Variants in TTN observed in about 807,000 individuals in gnomAD.
TTN encodes titin.
In TTN, 1,525 loss-of-function variants were observed where a neutral mutation model predicts 3,223.0. That is an observed-to-expected ratio of 0.47 (90% confidence interval 0.45 to 0.49). The LOEUF is 0.49. TTN is among the 20% of genes least tolerant of loss of function. The pLI, the probability that TTN is intolerant of heterozygous loss-of-function variation, is 0.00. For missense variants in TTN, 40,786 were observed against 43,424.0 expected (o/e 0.94, Z 5.40); for synonymous variants, 14,094 against 15,161.0 (o/e 0.93, Z 5.17).
chr2:178,565,778 C>G lies in TTN; in HGVS notation c.80354G>C (p.Gly26785Ala). The change falls in exon 326 of 363, where the codon GGA (glycine) becomes GCA (alanine). Residue 26785 changes from glycine to alanine, a missense_variant. Transcript: ENST00000589042. ...VKAAEPPSPPGKVTLTDVSQT... is the reference protein window; with the variant it reads ...VKAAEPPSPPAKVTLTDVSQT... ...GGACACATCAGTGAGTGTAACCTTT[C>G]CTGGTGGGGAAGGAGGTTCAGCAGC... The G allele has an allele frequency of 6.2e-7, 1 of 1,613,598 alleles. No homozygotes were observed. The highest frequency in any genetic ancestry group is 8.5e-7 in the Non-Finnish European group (1 of 1,179,622).
At position 178,545,860 on chromosome 2, in the gene TTN, C is replaced by T. The variant is rs1247897056; in HGVS notation, c.95376G>A (p.Val31792=). ...VRAVNKYGPG[V]PVESEPIVAR... ...CTACAATTGGCTCTGATTCAACAGG[C>T]ACACCAGGGCCATATTTGTTTACTG... Residue 31792 remains valine (V), a synonymous_variant, in exon 343 of 363, where the codon GTG becomes GTA. Coordinates refer to ENST00000589042, the MANE Select transcript of TTN (RefSeq NM_001267550.2). The T allele has an allele frequency of 6.2e-7, 1 of 1,613,802 alleles. No homozygotes were observed.
intron 206 of TTN, 36 bp downstream of exon 206, chr2:178,651,630 G>GT: frequency 1.9e-6 from 3 of 1,612,490 alleles, no homozygotes; most frequent in East Asian, 2.2e-5. Flanking sequence ...TTCAAAGAAA[G>GT]TTTTTTGTTA....
In TTN at chr2:178,599,251, T is replaced by C. The variant is rs2052641171; in HGVS notation, c.56542A>G (p.Lys18848Glu). The change falls in exon 290 of 363, where the codon AAA becomes GAA. Residue 18848 changes from lysine (K) to glutamate (E), a missense_variant. Lys to Glu is a moderately conservative substitution (Grantham distance 56). Coordinates refer to ENST00000589042, the MANE Select transcript of TTN (RefSeq NM_001267550.2). ...ACATATTCATGGCCTTCTAGCAATTTGGGAATCGTGTACGTGCACTCCTTA... is the reference window on the plus strand; with the variant it reads ...ACATATTCATGGCCTTCTAGCAATTCGGGAATCGTGTACGTGCACTCCTTA... ...EPKECTYTIP[K>E]LLEGHEYVFR... The C allele has an allele frequency of 6.4e-7, 1 of 1,561,524 alleles. No individual in the cohort carries two copies. The highest frequency in any genetic ancestry group is 2.0e-5 in the Admixed American group (1 of 49,240).
rs763490789 is a variant in TTN at position 178,554,012 on chromosome 2, T to A, written c.89099A>T (p.Glu29700Val). The change falls in exon 333 of 363, where the codon GAA (glutamate) becomes GTA (valine). Residue 29700 changes from glutamate (E) to valine (V), a missense_variant. Physicochemically the swap from Glu to Val is moderately radical, Grantham distance 121. Transcript: ENST00000589042. ...AACTCTGTATTGATAGTCACTGTTTTCTGTGAGTCCTGTTACTTTTTGTCT... is the reference window on the plus strand; with the variant it reads ...AACTCTGTATTGATAGTCACTGTTTACTGTGAGTCCTGTTACTTTTTGTCT... The part of the protein sequence containing the change: ...DTRQKVTGLT[E>V]NSDYQYRVCA... The A allele has an allele frequency of 1.9e-6, 3 of 1,613,602 alleles. No individual in the cohort carries two copies. The South Asian group carries it at 3.3e-5, about 18-fold the overall frequency.
Position 178,604,006 on chromosome 2 carries a change from T to G in TTN, c.54681A>C (p.Lys18227Asn), listed in dbSNP as rs371332455. The stretch of plus-strand genomic sequence containing the variant: ...AACGAGGAACATTAAATTCCACGCC[T>G]TTCAATCCCACTTTGGTTATTGGTG... ...SRAPITKVGL[K>N]GVEFNVPRLL... is the part of the protein sequence containing the mutation. Residue 18227 changes from lysine to asparagine, a missense_variant, in exon 282 of 363, where the codon AAA becomes AAC. By Grantham distance (94) the Lys-to-Asn change is moderately conservative (BLOSUM62 0). Coordinates refer to ENST00000589042, the MANE Select transcript of TTN (RefSeq NM_001267550.2). 6.2e-7 allele frequency: 1 copy of G among 1,612,926 alleles called. No homozygotes were observed. Among genetic ancestry groups the G allele is most frequent in the Non-Finnish European group, 8.5e-7 (1 of 1,179,196 alleles).
chr2:178,800,276 T>C lies in TTN; in HGVS notation c.583+119A>G. On this transcript the variant is annotated intron_variant, in intron 4 of 362. Coordinates refer to ENST00000589042, the MANE Select transcript of TTN (RefSeq NM_001267550.2). ...TCATGGGTGTCGAAAAGCCAGCTTT[T>C]ATATCAGCTCACAGCATTCTTCCCA... 2.9e-6 allele frequency: 4 copies of C among 1,375,612 alleles called. No individual in the cohort carries two copies. The East Asian group carries it at 9.2e-5, about 31-fold the overall frequency. The allele number at this position is 1,375,612 out of a possible 1,614,324, so 85.2% of individuals were successfully genotyped here.
intron 214 of TTN, 38 bp from the exon 215 acceptor site, chr2:178,647,182 AGAACAG>A: frequency 7.9e-7 from 1 of 1,260,260 alleles, no homozygotes; most frequent in Non-Finnish European, 1.1e-6. Flanking sequence ...GACTATATTT[AGAACAG>A]AATACTGCAA....
At position 178,802,276 on chromosome 2, in the gene TTN, C is replaced by T. The variant is rs150902810; in HGVS notation, c.157G>A (p.Gly53Ser). The change falls in exon 3 of 363, where the codon GGC becomes AGC. Residue 53 changes from glycine (G) to serine (S), a missense_variant. By Grantham distance (56) the Gly-to-Ser change is moderately conservative. Coordinates refer to ENST00000589042, the MANE Select transcript of TTN (RefSeq NM_001267550.2). Reference sequence around the variant, plus strand: ...CCATCGCTAAAGGAGATCTGCACGCCGGGCAGAGTGGAAGTGGAAATCACC... The same window carrying T: ...CCATCGCTAAAGGAGATCTGCACGCTGGGCAGAGTGGAAGTGGAAATCACC... ...GQVISTSTLPGVQISFSDGRA... is the reference protein window; with the variant it reads ...GQVISTSTLPSVQISFSDGRA... 7.4e-6 allele frequency: 12 copies of T among 1,614,108 alleles called. No homozygotes were observed. The highest frequency in any genetic ancestry group is 3.3e-5 in the Admixed American group (2 of 60,020).
In TTN at chr2:178,589,156, C is replaced by T; in HGVS notation, c.62569G>A (p.Ala20857Thr). 1 of 1,613,312 alleles carries T rather than the reference C, an allele frequency of 6.2e-7. No homozygotes were observed. Among genetic ancestry groups the T allele is most frequent in the African/African-American group, 1.3e-5 (1 of 75,024 alleles). ...TNTAGSFVAY[A>T]TVNVLDKPGP... ...GGCTTATCTAAAACATTGACAGTGGCATAGGCCACAAAACTGCCAGCCGTG... is the reference window on the plus strand; with the variant it reads ...GGCTTATCTAAAACATTGACAGTGGTATAGGCCACAAAACTGCCAGCCGTG... Residue 20857 changes from alanine to threonine, a missense_variant, in exon 304 of 363, where the codon GCC (alanine) becomes ACC (threonine). By Grantham distance (58) the Ala-to-Thr change is moderately conservative. Coordinates refer to ENST00000589042, the MANE Select transcript of TTN (RefSeq NM_001267550.2).
At chr2:178,617,719 T>C (rs2057619449) in intron 253 of TTN, 60 bp downstream of exon 253, 2 of 1,560,048 alleles carry the variant, frequency 1.3e-6, no homozygotes, top group Admixed American at 4.1e-5. Flanking sequence ...TTTATTTTAA[T>C]TGATAGGCCT....
chr2:178,572,514 A>T lies in TTN; in HGVS notation c.73618T>A (p.Trp24540Arg). ...CCTCCATCAAGGAGAGGTGGGTCCC[A>T]TGTGAGTGTGACAGATGTCTTAGTG... ...EVTKTSVTLT[W>R]DPPLLDGGSK... Residue 24540 changes from tryptophan to arginine, a missense_variant, in exon 326 of 363, where the codon TGG becomes AGG. Trp to Arg is a moderately radical substitution (Grantham distance 101). Coordinates refer to ENST00000589042, the MANE Select transcript of TTN (RefSeq NM_001267550.2). 1 of 1,613,446 alleles carries T rather than the reference A, an allele frequency of 6.2e-7. No homozygotes were observed. Among genetic ancestry groups the T allele is most frequent in the Non-Finnish European group, 8.5e-7 (1 of 1,179,608 alleles).
In TTN at chr2:178,735,633, A is replaced by G. The variant is rs560537668; in HGVS notation, c.14813T>C (p.Phe4938Ser). The change falls in exon 50 of 363, where the codon TTT (phenylalanine) becomes TCT (serine). Residue 4938 changes from phenylalanine (F) to serine (S), a missense_variant. Transcript: ENST00000589042. The stretch of plus-strand genomic sequence containing the variant: ...CTCAAGTGTTGCTATTTTATCTTCA[A>G]AACAGATCTTATAATCTTTCCCTGG... ...LPPGKDYKIC[F>S]EDKIATLEIP... The G allele has an allele frequency of 9.5e-5, 153 of 1,613,722 alleles. 1 individual carries two copies. In the Middle Eastern group the frequency reaches 6.3e-3, roughly 66 times the overall value.
chr2:178,683,573 G>A (rs1245824707), intron 133 of TTN, among the ~76,000 whole-genome samples: 2 of 152,044 alleles, frequency 1.3e-5, no homozygotes, highest in Non-Finnish European at 2.9e-5. Flanking sequence ...AAACTAAGTA[G>A]AAGCATTAGA....
Position 178,730,995 on chromosome 2 carries a change from A to G in TTN, c.17670T>C (p.Ser5890=), listed in dbSNP as rs374203158. 7 of 1,613,346 alleles carry G rather than the reference A, an allele frequency of 4.3e-6. No homozygotes were observed. The highest frequency in any genetic ancestry group is 5.1e-6 in the Non-Finnish European group (6 of 1,179,646). The change falls in exon 60 of 363, where the codon AGT becomes AGC. Residue 5890 remains serine, a synonymous_variant. Coordinates refer to ENST00000589042, the MANE Select transcript of TTN (RefSeq NM_001267550.2). ...TTTGGACCTCGAAAGTATATTCTCC[A>G]CTATCTTTCTTTTCTGTAGAAATAA... ...LKIISTEKKD[S]GEYTFEVQND... is the part of the protein sequence containing the mutation.
At chr2:178,604,391 G>A in intron 281 of TTN, 86 bp from the exon 282 acceptor site, 1 of 1,095,498 alleles carries the variant, frequency 9.1e-7, no homozygotes, top group Non-Finnish European at 1.2e-6. Flanking sequence ...TATTTTGGGA[G>A]GGATGACTGT....
intron 103 of TTN, 56 bp from the exon 104 acceptor site, chr2:178,705,022 A>G: frequency 6.3e-7 from 1 of 1,596,878 alleles, no homozygotes; most frequent in Non-Finnish European, 8.6e-7. Flanking sequence ...GATTTAGAGG[A>G]CGCATGACTA....
chr2:178,588,064 C>G lies in TTN; in HGVS notation c.63343G>C (p.Gly21115Arg). ...PKIADASPDE[G>R]WKRCNAAAQL... is the part of the protein sequence containing the mutation. ...GCTGCAGCATTACACCGTTTCCAGC[C>G]TTCATCAGGAGACGCATCTGCTATT... is the stretch of plus-strand genomic sequence containing the variant. Residue 21115 changes from glycine to arginine, a missense_variant, in exon 305 of 363, where the codon GGC becomes CGC. Physicochemically the swap from Gly to Arg is moderately radical, Grantham distance 125. Coordinates refer to ENST00000589042, the MANE Select transcript of TTN (RefSeq NM_001267550.2). 6.2e-7 allele frequency: 1 copy of G among 1,612,980 alleles called. No homozygotes were observed. The highest frequency in any genetic ancestry group is 1.1e-5 in the South Asian group (1 of 91,046).
rs753124868 is a variant in TTN at position 178,785,875 on chromosome 2, A to G, written c.2343T>C (p.Asp781=). 1 of 1,614,052 alleles carries G rather than the reference A, an allele frequency of 6.2e-7. No homozygotes were observed. The highest frequency in any genetic ancestry group is 1.7e-5 in the Admixed American group (1 of 59,998). The change falls in exon 14 of 363, where the codon GAT becomes GAC. Residue 781 remains aspartate (D), a synonymous_variant. Coordinates refer to ENST00000589042, the MANE Select transcript of TTN (RefSeq NM_001267550.2). ...APSETHIKTT[D]QKGMHISSQI... is the part of the protein sequence containing the mutation. ...GTGATGATATGTGCATTCCCTTTTG[A>G]TCAGTAGTTTTGATATGAGTCTCAG...
chr2:178,718,707 G>T lies in TTN; in HGVS notation c.24493C>A (p.Leu8165Ile), dbSNP rs1060500582. 1.9e-6 allele frequency: 3 copies of T among 1,613,180 alleles called. No individual in the cohort carries two copies. The highest frequency in any genetic ancestry group is 2.2e-5 in the East Asian group (1 of 44,848). ...DAGSASCTTH[L>I]FVKEPATFVK... The stretch of plus-strand genomic sequence containing the variant: ...GGAAAGAGCAAACCTTTCACAAAAA[G>T]ATGTGTGGTACAGGAAGCACTGCCA... The change falls in exon 84 of 363, where the codon CTT (leucine) becomes ATT (isoleucine). Residue 8165 changes from leucine to isoleucine, a missense_variant. Physicochemically the swap from Leu to Ile is conservative, Grantham distance 5. Transcript: ENST00000589042.
Sources: gnomAD v4.1 joint callset for allele counts (sites outside exome capture counted in the v4.1 genomes callset) on GRCh38, gnomAD v4.1.1 for gene constraint, MANE v1.5 for transcripts, NCBI Gene and HGNC (gene_info 2026-07-23, HGNC 2026-07-21) for gene names.